The following SVEP1 variants were observed in gnomAD, a reference collection of about 807,000 sequenced individuals.
SVEP1 encodes the protein sushi, von Willebrand factor type A, EGF and pentraxin domain-containing protein 1.
SVEP1 carries 164 observed loss-of-function variants against 367.3 expected under a neutral mutation model. The observed-to-expected ratio is 0.45, with a 90% confidence interval of 0.39 to 0.51. The LOEUF (loss-of-function observed/expected upper bound fraction) is 0.51. SVEP1 is among the 20% of genes least tolerant of loss of function. The pLI, the probability that SVEP1 is intolerant of heterozygous loss-of-function variation, is 0.00. For missense variants in SVEP1, 4,117 were observed against 4,425.3 expected (o/e 0.93, Z 1.98); for synonymous variants, 1,666 against 1,611.6 (o/e 1.03, Z -0.81).
chr9:110,468,402 C>T (rs1828969427), intron 17 of SVEP1, among the ~76,000 whole-genome samples: 1 of 152,194 alleles, frequency 6.6e-6, no homozygotes, highest in Non-Finnish European at 1.5e-5. Context: ...CTTGCCTTGG[C>T]ATACTGAATA....
Position 110,505,646 on chromosome 9 carries a change from T to A in SVEP1, c.1304-2429A>T, listed in dbSNP as rs537782350. On this transcript the variant is annotated intron_variant, in intron 5 of 47. Coordinates refer to ENST00000374469, the MANE Select transcript of SVEP1 (RefSeq NM_153366.4). The stretch of plus-strand genomic sequence containing the variant: ...AACTTCCAGCTCCTTTGAAGTATCA[T>A]ATTATATATCCAATAACCTTTTTTA... 2.0e-5 allele frequency among the ~76,000 whole-genome samples: 3 copies of A among 152,274 alleles called. No individual in the cohort carries two copies. In the South Asian group the frequency reaches 6.2e-4, roughly 32 times the overall value.
At chr9:110,574,822 G>T (rs80253943) in intron 1 of SVEP1, among the ~76,000 whole-genome samples, 27,922 of 142,140 alleles carry the variant, frequency 0.2, 2,737 homozygotes, top group East Asian at 0.29. Context: ...CTCGGCTCAC[G>T]GCAAGCTCCG....
chr9:110,443,683 T>C lies in SVEP1; in HGVS notation c.4501A>G (p.Asn1501Asp). ...CTGCCATCATTCACCGAGGGACAGT[T>C]TGTTATCTTTTCCCTGCCATTCACA... ...LYVNGREKIT[N>D]CPSVNDGRWH... Residue 1501 changes from asparagine (N) to aspartate (D), a missense_variant, in exon 27 of 48, where the codon AAC becomes GAC. This residue lies in a region of SVEP1 where 2,174 missense variants were observed against 2,494.3 expected (regional missense o/e 0.87). Coordinates refer to ENST00000374469, the MANE Select transcript of SVEP1 (RefSeq NM_153366.4). 1 of 1,610,418 alleles carries C rather than the reference T, an allele frequency of 6.2e-7. No homozygotes were observed. The highest frequency in any genetic ancestry group is 8.5e-7 in the Non-Finnish European group (1 of 1,178,316).
chr9:110,517,369 G>T (rs1359685153), intron 3 of SVEP1, among the ~76,000 whole-genome samples: 1 of 152,008 alleles, frequency 6.6e-6, no homozygotes. Context: ...AGGTCGAGGT[G>T]GGTGGATCAC....
At position 110,406,153 on chromosome 9, in the gene SVEP1, A is replaced by C. The variant is rs1378925674; in HGVS notation, c.9440+7T>G. 1 of 1,550,570 alleles carries C rather than the reference A, an allele frequency of 6.4e-7. No homozygotes were observed. On this transcript the variant is annotated splice_region_variant and intron_variant, in intron 38 of 47. Coordinates refer to ENST00000374469, the MANE Select transcript of SVEP1 (RefSeq NM_153366.4). ...ACCCCTTGGAGACCCTAGAGCCATG[A>C]TCTTACCTGAGTTTCACTTCACTTT...
chr9:110,431,098 A>T (rs1229681828), intron 32 of SVEP1, among the ~76,000 whole-genome samples: 1 of 152,256 alleles, frequency 6.6e-6, no homozygotes, highest in African/African-American at 2.4e-5. Context: ...TTCTTAAAGT[A>T]AATGCAATTA....
At chr9:110,478,017 T>A (rs1021502821) in intron 13 of SVEP1, among the ~76,000 whole-genome samples, 5 of 152,190 alleles carry the variant, frequency 3.3e-5, no homozygotes, top group Non-Finnish European at 7.3e-5. Flanking sequence ...CCACATGTAA[T>A]CTTTTTGACC....
chr9:110,406,237 G>A lies in SVEP1; in HGVS notation c.9363C>T (p.Ser3121=), dbSNP rs751900209. ...SQPYPVCEPL[S]CGSPPSVANA... The stretch of plus-strand genomic sequence containing the variant: ...TGGCGACAGACGGTGGGGACCCACA[G>A]GACAAGGGCTCACAGACTGGATAAG... The change falls in exon 38 of 48, where the codon TCC becomes TCT. Residue 3121 remains serine, a synonymous_variant. Coordinates refer to ENST00000374469, the MANE Select transcript of SVEP1 (RefSeq NM_153366.4). 2 of 1,613,506 alleles carry A rather than the reference G, an allele frequency of 1.2e-6. No individual in the cohort carries two copies. The highest frequency in any genetic ancestry group is 1.7e-6 in the Non-Finnish European group (2 of 1,179,608).
chr9:110,545,990 G>C, intron 3 of SVEP1, 125 bp downstream of exon 3: 6 of 1,202,568 alleles, frequency 5.0e-6, no homozygotes, highest in Non-Finnish European at 6.9e-6. Context: ...AAGCCCCAAA[G>C]AGATGTGCCA....
intron 27 of SVEP1, chr9:110,443,133 A>G (rs1439863852): frequency 6.5e-6 from 1 of 155,026 alleles, no homozygotes; most frequent in Middle Eastern, 3.1e-3. Flanking sequence ...ATTAAAAAGT[A>G]TTTTTTAGAA....
chr9:110,411,641 G>C lies in SVEP1; in HGVS notation c.6070C>G (p.Pro2024Ala). Residue 2024 changes from proline to alanine, a missense_variant, in exon 37 of 48, where the codon CCA (proline) becomes GCA (alanine). By Grantham distance (27) the Pro-to-Ala change is conservative. Transcript: ENST00000374469. ...GGAGAGGCGTGGTCCACAATGGGTG[G>C]CTCATCACAGGAGACAGCCAGGCAC... ...QQCLAVSCDE[P>A]PIVDHASPET... 1 of 1,611,476 alleles carries C rather than the reference G, an allele frequency of 6.2e-7. No individual in the cohort carries two copies. The highest frequency in any genetic ancestry group is 8.5e-7 in the Non-Finnish European group (1 of 1,178,838).
chr9:110,429,317 G>C lies in SVEP1; in HGVS notation c.5633C>G (p.Thr1878Ser). 1 of 1,568,488 alleles carries C rather than the reference G, an allele frequency of 6.4e-7. No individual in the cohort carries two copies. The stretch of plus-strand genomic sequence containing the variant: ...GGATGATTCTTTATCACCGGCCAGA[G>C]TATATCCTTTATTACACCTAAAGAA... Reference protein sequence around the residue: ...KVTYRCNKGYTLAGDKESSCL... With the variant: ...KVTYRCNKGYSLAGDKESSCL... The change falls in exon 35 of 48, where the codon ACT becomes AGT. Residue 1878 changes from threonine to serine, a missense_variant. Physicochemically the swap from Thr to Ser is moderately conservative, Grantham distance 58. This residue lies in a region of SVEP1 where 2,174 missense variants were observed against 2,494.3 expected (regional missense o/e 0.87). Coordinates refer to ENST00000374469, the MANE Select transcript of SVEP1 (RefSeq NM_153366.4).
chr9:110,402,397 A>G (rs1377020900), intron 39 of SVEP1, among the ~76,000 whole-genome samples: 4 of 152,126 alleles, frequency 2.6e-5, no homozygotes, highest in Admixed American at 6.5e-5. Context: ...TATTTTATGA[A>G]CTACAGAATC....
chr9:110,428,417 C>A (rs10980383), intron 35 of SVEP1, among the ~76,000 whole-genome samples: 2 of 57,040 alleles, frequency 3.5e-5, no homozygotes, highest in African/African-American at 1.1e-4. Context: ...CACACACACA[C>A]ACACACACAC....
chr9:110,445,815 C>A, intron 26 of SVEP1, 22 bp downstream of exon 26: 1 of 1,612,816 alleles, frequency 6.2e-7, no homozygotes. Flanking sequence ...TTAAGCATAG[C>A]CTTCCCGACA....
At chr9:110,380,704 T>C (rs932252986) in intron 43 of SVEP1, among the ~76,000 whole-genome samples, 10 of 152,224 alleles carry the variant, frequency 6.6e-5, no homozygotes, top group Non-Finnish European at 1.0e-4. Context: ...GCTAGCCTCA[T>C]AAAATGAGTT....
chr9:110,410,379 C>T (rs896866663), intron 37 of SVEP1, among the ~76,000 whole-genome samples: 1 of 152,058 alleles, frequency 6.6e-6, no homozygotes, highest in Non-Finnish European at 1.5e-5. Flanking sequence ...AGTGAAATTA[C>T]CTTTAGGTTT....
At chr9:110,541,019 T>A (rs1380427225) in intron 3 of SVEP1, among the ~76,000 whole-genome samples, 3 of 152,124 alleles carry the variant, frequency 2.0e-5, no homozygotes, top group African/African-American at 7.2e-5. Context: ...CTATCTTTGG[T>A]CTCAAGGGTA....
intron 16 of SVEP1, 57 bp from the exon 17 acceptor site, chr9:110,469,158 G>A (rs1828981504): frequency 1.3e-6 from 2 of 1,503,358 alleles, no homozygotes; most frequent in South Asian, 1.3e-5. Flanking sequence ...AACACACTGG[G>A]CTTTTTTTTC....
Sources: allele counts gnomAD v4.1 joint callset (sites outside exome capture counted in the v4.1 genomes callset), GRCh38; gene constraint gnomAD v4.1.1; regional missense constraint gnomAD v4.1.1; transcripts MANE v1.5; gene names NCBI Gene and HGNC (gene_info 2026-07-23, HGNC 2026-07-21).